ENPP3: variants seen among roughly 807,000 people sequenced by gnomAD.
ENPP3 encodes ectonucleotide pyrophosphatase/phosphodiesterase 3, also known as ectonucleotide pyrophosphatase/phosphodiesterase family member 3.
A neutral mutation model predicts 117.8 loss-of-function variants in ENPP3; 104 were observed. The ratio of observed to expected loss-of-function variants is 0.88; its 90% confidence interval spans 0.75 to 1.04. The LOEUF (loss-of-function observed/expected upper bound fraction) is 1.04, where lower values mean the gene tolerates loss of function less well. Ranked by LOEUF, ENPP3 falls within the 50% of genes least tolerant of loss-of-function variation. The pLI is 0.00. For synonymous variants in ENPP3, 380 were observed against 349.9 expected, an observed-to-expected ratio of 1.09 and a Z score of -0.96; for missense variants, 1,026 against 1,051.9, an observed-to-expected ratio of 0.98 and a Z score of 0.34.
chr6:131,647,811 C>T (rs1267908409), intron 2 of ENPP3, among the ~76,000 whole-genome samples: 1 of 152,088 alleles, frequency 6.6e-6, no homozygotes. Flanking sequence ...ATTAGTTTTG[C>T]ATGGGTAATA....
chr6:131,693,408 G>C (rs925009130), intron 14 of ENPP3, 89 bp from the exon 15 acceptor site: 18 of 1,178,914 alleles, frequency 1.5e-5, no homozygotes, highest in Admixed American at 6.8e-5. Flanking sequence ...ACTTTTAAAA[G>C]GTGCTTCATA....
chr6:131,683,768 T>A (rs1779084231), intron 12 of ENPP3, among the ~76,000 whole-genome samples: 1 of 150,424 alleles, frequency 6.6e-6, no homozygotes, highest in African/African-American at 2.5e-5. Context: ...TTTTTTTTTT[T>A]GAGATAGAGT....
At position 131,683,172 on chromosome 6, in the gene ENPP3, T is replaced by TA; in HGVS notation, c.1120+16dup. The TA allele has an allele frequency of 7.3e-7, 1 of 1,369,204 alleles. No individual in the cohort carries two copies. The highest frequency in any genetic ancestry group is 1.0e-6 in the Non-Finnish European group (1 of 965,448). 84.8% of individuals were successfully genotyped at this position (1,369,204 alleles called of 1,614,324 possible). On this transcript the variant is annotated intron_variant, in intron 12 of 24. Transcript: ENST00000357639. ...CTTCTGGCTGACCATGGTATGCTTTTAAAAAACATTCTTATTTTATCATTG... is the reference window on the plus strand; with the variant it reads ...CTTCTGGCTGACCATGGTATGCTTTTAAAAAAACATTCTTATTTTATCATTG...
intron 1 of ENPP3, among the ~76,000 whole-genome samples, chr6:131,639,695 C>G (rs1439120747): frequency 1.3e-5 from 2 of 152,174 alleles, no homozygotes; most frequent in Middle Eastern, 3.2e-3. Flanking sequence ...ATGATGTGCT[C>G]TCAGCAGTTT....
At chr6:131,653,969 A>G (rs886879481) in intron 5 of ENPP3, among the ~76,000 whole-genome samples, 1 of 152,012 alleles carries the variant, frequency 6.6e-6, no homozygotes, top group Admixed American at 6.6e-5. Context: ...GCCAGCATGG[A>G]TTCCCCATTT....
intron 2 of ENPP3, among the ~76,000 whole-genome samples, chr6:131,646,298 G>GTGTGTA (rs1778151676): frequency 6.6e-6 from 1 of 150,994 alleles, no homozygotes; most frequent in African/African-American, 2.5e-5. Flanking sequence ...GTGTGTGTGT[G>GTGTGTA]TGTGTGTGTG....
chr6:131,724,009 C>T (rs1780093710), intron 18 of ENPP3, 31 bp from the exon 19 acceptor site: 1 of 1,559,938 alleles, frequency 6.4e-7, no homozygotes, highest in African/African-American at 1.4e-5. Flanking sequence ...GACTTATTTC[C>T]TCCCCTTTCC....
intron 8 of ENPP3, 113 bp downstream of exon 8, chr6:131,674,394 G>C (rs768130991): frequency 1.8e-5 from 19 of 1,045,790 alleles, no homozygotes; most frequent in Admixed American, 1.0e-4. Context: ...TAGTTTCTAA[G>C]GGCTGAGGGT....
chr6:131,644,758 CA>C (rs1320732087), intron 2 of ENPP3, among the ~76,000 whole-genome samples: 2 of 152,100 alleles, frequency 1.3e-5, no homozygotes, highest in Admixed American at 1.3e-4. Context: ...TGGTGCTTGT[CA>C]GCATATGTGG....
At chr6:131,643,261 T>G (rs1014051838) in intron 2 of ENPP3, among the ~76,000 whole-genome samples, 1 of 152,234 alleles carries the variant, frequency 6.6e-6, no homozygotes, top group African/African-American at 2.4e-5. Context: ...GGTATTGTTT[T>G]GATGTTAGTA....
chr6:131,674,312 G>A (rs1190701093), intron 8 of ENPP3, 31 bp downstream of exon 8: 3 of 1,608,434 alleles, frequency 1.9e-6, no homozygotes, highest in Non-Finnish European at 2.6e-6. Context: ...CGCAACTGAA[G>A]TAACCTCCAT....
intron 1 of ENPP3, among the ~76,000 whole-genome samples, chr6:131,638,263 C>G (rs1181831298): frequency 2.0e-5 from 3 of 152,142 alleles, no homozygotes; most frequent in Non-Finnish European, 4.4e-5. Flanking sequence ...ATTCTCTCCC[C>G]TTGCTTCTAC....
chr6:131,639,824 G>T (rs1268337795), intron 1 of ENPP3, among the ~76,000 whole-genome samples: 1 of 151,960 alleles, frequency 6.6e-6, no homozygotes, highest in Non-Finnish European at 1.5e-5. Context: ...TGATTATAAA[G>T]GCTTAAAAAT....
chr6:131,641,956 G>A (rs1169852725), intron 2 of ENPP3, among the ~76,000 whole-genome samples: 9 of 151,416 alleles, frequency 5.9e-5, no homozygotes, highest in Non-Finnish European at 1.2e-4. Flanking sequence ...CACCACACCC[G>A]GCTAATTTTT....
chr6:131,667,760 T>A (rs1198693063), intron 6 of ENPP3, among the ~76,000 whole-genome samples: 1 of 152,232 alleles, frequency 6.6e-6, no homozygotes, highest in Non-Finnish European at 1.5e-5. Context: ...AGTTTCTGGG[T>A]TTCTCACAAA....
intron 21 of ENPP3, among the ~76,000 whole-genome samples, chr6:131,734,334 T>G (rs1182726726): frequency 6.6e-6 from 1 of 152,178 alleles, no homozygotes; most frequent in East Asian, 1.9e-4. Flanking sequence ...CCAAAGCTAG[T>G]GTGATTTTCC....
rs532693328 is a variant in ENPP3, at chr6:131,723,800, A to G, written c.1747-240A>G. Among the ~76,000 whole-genome samples, 660 of 98,706 alleles carry G rather than the reference A, an allele frequency of 6.7e-3. 14 individuals carry two copies. The Middle Eastern group carries it at 0.081, about 12-fold the overall frequency. The allele number at this position is 98,706 out of a possible 152,430, so 64.8% of individuals were successfully genotyped here. A position where few individuals can be genotyped will look rare whatever the true frequency, so the allele number is the denominator to read the frequency against. ...CCCCATTATCAATTATCTTTTTGCAAATTCTCTCTCTCTCTCTCTCTCTCT... is the reference window on the plus strand; with the variant it reads ...CCCCATTATCAATTATCTTTTTGCAGATTCTCTCTCTCTCTCTCTCTCTCT... On this transcript the variant is annotated intron_variant, in intron 18 of 24. Coordinates refer to ENST00000357639, the MANE Select transcript of ENPP3 (RefSeq NM_005021.5).
chr6:131,717,351 GGT>G (rs71030754), intron 15 of ENPP3, among the ~76,000 whole-genome samples: 9,560 of 89,022 alleles, frequency 0.11, 378 homozygotes, highest in East Asian at 0.15. Flanking sequence ...CCCTGCGGGG[GGT>G]GTGTGTGTGT....
At chr6:131,668,335 C>T (rs995727606) in intron 6 of ENPP3, among the ~76,000 whole-genome samples, 1 of 148,684 alleles carries the variant, frequency 6.7e-6, no homozygotes, top group Admixed American at 6.9e-5. Flanking sequence ...GTCTCGCCCC[C>T]CCCTGAGGAT....
Sources: gnomAD v4.1 joint callset for allele counts (sites outside exome capture counted in the v4.1 genomes callset) on GRCh38, gnomAD v4.1.1 for gene constraint, MANE v1.5 for transcripts, NCBI Gene and HGNC (gene_info 2026-07-23, HGNC 2026-07-21) for gene names.